Variants in HSF2 observed in about 807,000 individuals in gnomAD.
HSF2 encodes heat shock transcription factor 2.
In HSF2, 21 loss-of-function variants were observed where a neutral mutation model predicts 65.0. The observed-to-expected ratio is 0.32, with a 90% confidence interval of 0.23 to 0.47. HSF2 has a LOEUF of 0.47. Ranked by LOEUF, HSF2 falls within the 20% of genes least tolerant of loss-of-function variation. The pLI is 1.00. For missense variants in HSF2, 499 were observed against 628.1 expected (o/e 0.79, Z 2.20); for synonymous variants, 225 against 219.1 (o/e 1.03, Z -0.24).
At chr6:122,416,386 A>G (rs1774129953) in intron 5 of HSF2, 90 bp downstream of exon 5, 3 of 755,702 alleles carry the variant, frequency 4.0e-6, no homozygotes, top group South Asian at 1.7e-5. Flanking sequence ...AGTGTCTGTG[A>G]TTGATCTTAG....
At chr6:122,418,869 C>G (rs911763664) in intron 5 of HSF2, among the ~76,000 whole-genome samples, 6 of 152,136 alleles carry the variant, frequency 3.9e-5, no homozygotes, top group Non-Finnish European at 7.4e-5. Context: ...TGTTGCCTAT[C>G]AAACACCAGT....
At position 122,420,206 on chromosome 6, in the gene HSF2, A is replaced by T. The variant is rs199557986; in HGVS notation, c.665A>T (p.Asp222Val). 187 of 1,599,352 alleles carry T rather than the reference A, an allele frequency of 1.2e-4. No individual in the cohort carries two copies. The highest frequency in any genetic ancestry group is 5.1e-6 in the Non-Finnish European group (6 of 1,168,346). Residue 222 changes from aspartate (D) to valine (V), a missense_variant, in exon 7 of 13, where the codon GAT (aspartate) becomes GTT (valine). By Grantham distance (152) the Asp-to-Val change is radical (BLOSUM62 -3). This residue lies in a region of HSF2 where 349 missense variants were observed against 393.5 expected (regional missense o/e 0.89). Coordinates refer to ENST00000368455, the MANE Select transcript of HSF2 (RefSeq NM_004506.4). ...LFQHIVKEPT[D>V]NHHHKVPHSR... ...CAGCACATAGTCAAAGAACCAACTG[A>T]TAATCATCATCATAAAGTAATTTTT...
chr6:122,416,451 A>G (rs1257265790), intron 5 of HSF2, among the ~76,000 whole-genome samples, 155 bp downstream of exon 5: 2 of 152,232 alleles, frequency 1.3e-5, no homozygotes, highest in Non-Finnish European at 2.9e-5. Context: ...AAATTAAGCC[A>G]AGTGTTACAC....
At chr6:122,401,558 C>A (rs1477222688) in intron 1 of HSF2, among the ~76,000 whole-genome samples, 2 of 152,148 alleles carry the variant, frequency 1.3e-5, no homozygotes, top group Non-Finnish European at 2.9e-5. Context: ...TGGAGAGTTT[C>A]GTACTGATCC....
At chr6:122,419,265 T>C in intron 6 of HSF2, 36 bp downstream of exon 6, 1 of 1,029,060 alleles carries the variant, frequency 9.7e-7, no homozygotes, top group Non-Finnish European at 1.5e-6. Flanking sequence ...GTCCTGTATA[T>C]AGGCAGTCAC....
At chr6:122,419,384 GTAT>G (rs1165745509) in intron 6 of HSF2, among the ~76,000 whole-genome samples, 155 bp downstream of exon 6, 1 of 152,104 alleles carries the variant, frequency 6.6e-6, no homozygotes, top group Non-Finnish European at 1.5e-5. Flanking sequence ...CTCTAGAGTA[GTAT>G]TATTTTTTAG....
At chr6:122,425,244 C>T (rs1774314755) in intron 10 of HSF2, among the ~76,000 whole-genome samples, 1 of 152,038 alleles carries the variant, frequency 6.6e-6, no homozygotes, top group Non-Finnish European at 1.5e-5. Flanking sequence ...CTCTTTTTTA[C>T]TCTATTTTGT....
At chr6:122,429,003 T>C (rs1351776954) in intron 11 of HSF2, among the ~76,000 whole-genome samples, 3 of 152,246 alleles carry the variant, frequency 2.0e-5, no homozygotes, top group South Asian at 4.1e-4. Context: ...GTCATAACTA[T>C]GCAGTTCTGC....
At chr6:122,407,124 C>T (rs764313602) in intron 1 of HSF2, among the ~76,000 whole-genome samples, 1 of 151,976 alleles carries the variant, frequency 6.6e-6, no homozygotes, top group Non-Finnish European at 1.5e-5. Context: ...GAGGCTGAGA[C>T]GGAACAGTGA....
intron 1 of HSF2, among the ~76,000 whole-genome samples, chr6:122,409,976 GA>G: frequency 1.3e-5 from 2 of 152,002 alleles, no homozygotes; most frequent in South Asian, 4.1e-4. Flanking sequence ...TTCTCAGATA[GA>G]TTTGCTGGTT....
intron 10 of HSF2, 44 bp from the exon 11 acceptor site, chr6:122,427,859 T>C: frequency 6.9e-7 from 1 of 1,457,664 alleles, no homozygotes; most frequent in Non-Finnish European, 9.5e-7. Flanking sequence ...CAATTATTTT[T>C]AATTATTTTT....
rs1562194985 is a variant in HSF2 at position 122,399,674 on chromosome 6, A to T, written c.-64A>T. On this transcript the variant is annotated 5_prime_UTR_variant, in exon 1 of 13. Coordinates refer to ENST00000368455, the MANE Select transcript of HSF2 (RefSeq NM_004506.4). ...GGCGTTCTCGGGGAGCTGCTGCCGT[A>T]GCTGCCGCCGCCGCTACCACCGCGT... 3 of 1,399,814 alleles carry T rather than the reference A, an allele frequency of 2.1e-6. No homozygotes were observed. The highest frequency in any genetic ancestry group is 1.4e-5 in the African/African-American group (1 of 68,980). The allele number at this position is 1,399,814 out of a possible 1,614,324, so 86.7% of individuals were successfully genotyped here.
In HSF2 at chr6:122,399,676, C is replaced by G; in HGVS notation, c.-62C>G. The G allele has an allele frequency of 1.4e-6, 2 of 1,426,164 alleles. No individual in the cohort carries two copies. Among genetic ancestry groups the G allele is most frequent in the South Asian group, 1.2e-5 (1 of 85,116 alleles). 88.3% of individuals were successfully genotyped at this position (1,426,164 alleles called of 1,614,324 possible). On this transcript the variant is annotated 5_prime_UTR_variant, in exon 1 of 13. Transcript: ENST00000368455. ...CGTTCTCGGGGAGCTGCTGCCGTAG[C>G]TGCCGCCGCCGCTACCACCGCGTTC...
chr6:122,423,576 C>A lies in HSF2; in HGVS notation c.1071-5C>A. ...ATTTGATTAAAAAAATTTTTTTTTC[C>A]TTAGGGTTGAGCTGTTGGATTATCT... On this transcript the variant is annotated splice_polypyrimidine_tract_variant and splice_region_variant and intron_variant, in intron 9 of 12. Coordinates refer to ENST00000368455, the MANE Select transcript of HSF2 (RefSeq NM_004506.4). 6.4e-7 allele frequency: 1 copy of A among 1,555,128 alleles called. No homozygotes were observed.
intron 1 of HSF2, 24 bp downstream of exon 1, chr6:122,399,854 C>G: frequency 1.8e-5 from 27 of 1,540,516 alleles, no homozygotes; most frequent in Non-Finnish European, 2.4e-5. Context: ...ACGGCGGCCT[C>G]TGAACCCCCT....
intron 7 of HSF2, among the ~76,000 whole-genome samples, chr6:122,421,919 ACAG>A (rs1164456119): frequency 6.6e-6 from 1 of 152,094 alleles, no homozygotes; most frequent in Middle Eastern, 3.2e-3. Context: ...AGGGTCCCTT[ACAG>A]TAAAAGAAGT....
Position 122,432,312 on chromosome 6 carries a change from CTTTGT to C in HSF2, c.*100_*104del, listed in dbSNP as rs1774493821. Reference sequence around the variant, plus strand: ...CATTTGGTACTTTTTTTGTAAATTGCTTTGTTTTGTTTAATCAGATACTGTGGAAT... The same window carrying C: ...CATTTGGTACTTTTTTTGTAAATTGCTTTGTTTAATCAGATACTGTGGAAT... On this transcript the variant is annotated 3_prime_UTR_variant, in exon 13 of 13. Transcript: ENST00000368455. The C allele has an allele frequency of 2.7e-6, 3 of 1,122,124 alleles. No homozygotes were observed. The highest frequency in any genetic ancestry group is 2.3e-5 in the Admixed American group (1 of 43,136). 69.5% of individuals were successfully genotyped at this position (1,122,124 alleles called of 1,614,324 possible).
At chr6:122,400,760 T>TC (rs1188642349) in intron 1 of HSF2, among the ~76,000 whole-genome samples, 5 of 152,196 alleles carry the variant, frequency 3.3e-5, no homozygotes, top group Non-Finnish European at 7.3e-5. Flanking sequence ...TAGAATACAC[T>TC]CCTAGGCTGT....
intron 11 of HSF2, among the ~76,000 whole-genome samples, chr6:122,428,564 A>T (rs1324368920): frequency 6.6e-6 from 1 of 152,102 alleles, no homozygotes; most frequent in East Asian, 1.9e-4. Flanking sequence ...GGTGTTTTAT[A>T]TCATTGTATT....
Sources: allele counts gnomAD v4.1 joint callset (sites outside exome capture counted in the v4.1 genomes callset), GRCh38; gene constraint gnomAD v4.1.1; regional missense constraint gnomAD v4.1.1; transcripts MANE v1.5; gene names NCBI Gene and HGNC (gene_info 2026-07-23, HGNC 2026-07-21).